The following SHROOM3 variants were observed in gnomAD, a reference collection of about 807,000 sequenced individuals.
SHROOM3 encodes protein Shroom3.
SHROOM3 carries 47 observed loss-of-function variants against 138.6 expected under a neutral mutation model. The ratio of observed to expected loss-of-function variants is 0.34; its 90% CI spans 0.27 to 0.43. The LOEUF (loss-of-function observed/expected upper bound fraction) is 0.43, where lower values mean the gene tolerates loss of function less well. SHROOM3 is among the 20% of genes least tolerant of loss of function. The probability of loss-of-function intolerance (pLI) is 1.00; values close to 1 mark genes in which losing one functional copy is unlikely to be tolerated. For synonymous variants in SHROOM3, 1,062 were observed against 1,063.3 expected (o/e 1.00, Z 0.02); for missense variants, 2,491 against 2,596.5 (o/e 0.96, Z 0.88).
Position 76,777,887 on chromosome 4 carries a change from G to A in SHROOM3, c.5623-922G>A, listed in dbSNP as rs190651670. 8.5e-4 allele frequency among the ~76,000 whole-genome samples: 130 copies of A among 152,256 alleles called. 1 individual carries two copies. The highest frequency in any genetic ancestry group is 2.8e-3 in the Admixed American group (43 of 15,288). On this transcript the variant is annotated intron_variant, in intron 10 of 10. Coordinates refer to ENST00000296043, the MANE Select transcript of SHROOM3 (RefSeq NM_020859.4). ...GAAACTCTTAGAATATGACATTGCC[G>A]TCATTGTTGAACAGAATTTCTCTCA...
At chr4:76,585,490 G>C (rs1350317313) in intron 2 of SHROOM3, among the ~76,000 whole-genome samples, 1 of 152,044 alleles carries the variant, frequency 6.6e-6, no homozygotes, top group East Asian at 1.9e-4. Context: ...TACCAAACTT[G>C]AATCAAGCAC....
At chr4:76,554,763 C>T (rs917481885) in intron 1 of SHROOM3, among the ~76,000 whole-genome samples, 4 of 152,112 alleles carry the variant, frequency 2.6e-5, no homozygotes, top group African/African-American at 9.7e-5. Context: ...AACCCCCAGG[C>T]CACGGACCAT....
Position 76,740,889 on chromosome 4 carries a change from G to T in SHROOM3, c.2716G>T (p.Asp906Tyr), listed in dbSNP as rs774510287. The change falls in exon 5 of 11, where the codon GAC (aspartate) becomes TAC (tyrosine). Residue 906 changes from aspartate to tyrosine, a missense_variant. Coordinates refer to ENST00000296043, the MANE Select transcript of SHROOM3 (RefSeq NM_020859.4). The surrounding 1 kb of genome is among the most constrained non-coding windows in gnomAD (Gnocchi z 4.0). The stretch of plus-strand genomic sequence containing the variant: ...GCCAGAGAGGGAGCCCGAGTGGCGG[G>T]ACAGGCCCGGCTCGCCCGAATCGCC... ...SEPEREPEWR[D>Y]RPGSPESPLL... The T allele has an allele frequency of 3.3e-6, 5 of 1,525,636 alleles. No individual in the cohort carries two copies. The African/African-American group carries it at 4.2e-5, about 13-fold the overall frequency. The allele number at this position is 1,525,636 out of a possible 1,614,324, so 94.5% of individuals were successfully genotyped here.
In SHROOM3 at chr4:76,725,089, T is replaced by G. The variant is rs563152627; in HGVS notation, c.456-5715T>G. Among the ~76,000 whole-genome samples the G allele has an allele frequency of 3.1e-4, 47 of 151,238 alleles. No homozygotes were observed. In the South Asian group the frequency reaches 3.1e-3, roughly 10 times the overall value. ...CATCTAAAAGAAAAGTTGTTTTTTG[T>G]TTTTTTTTCCTCGTGTTTTTGTTTT... On this transcript the variant is annotated intron_variant, in intron 3 of 10. Coordinates refer to ENST00000296043, the MANE Select transcript of SHROOM3 (RefSeq NM_020859.4).
chr4:76,673,632 C>A (rs1718948462), intron 2 of SHROOM3, among the ~76,000 whole-genome samples: 1 of 152,094 alleles, frequency 6.6e-6, no homozygotes, highest in African/African-American at 2.4e-5. Context: ...AGGCTATTTT[C>A]TTCTTTTTCA....
chr4:76,464,600 G>T (rs188669960), intron 1 of SHROOM3, among the ~76,000 whole-genome samples: 1 of 152,214 alleles, frequency 6.6e-6, no homozygotes, highest in African/African-American at 2.4e-5. Context: ...ATATTGTTTG[G>T]ATTTGTGTCC....
rs1578010818 is a variant in SHROOM3 at position 76,742,192 on chromosome 4, C to G, written c.3753+266C>G. On this transcript the variant is annotated intron_variant, in intron 5 of 10. Coordinates refer to ENST00000296043, the MANE Select transcript of SHROOM3 (RefSeq NM_020859.4). ...TACCTCCATTTTAGGAAGTCACCAC[C>G]TCTCAATGGAAAAATGCAAGGTTAA... is the stretch of plus-strand genomic sequence containing the variant. 7.5e-6 allele frequency: 4 copies of G among 533,166 alleles called. No homozygotes were observed. The East Asian group carries it at 1.3e-4, about 17-fold the overall frequency. The allele number at this position is 533,166 out of a possible 1,614,324, so 33.0% of individuals were successfully genotyped here. A position where few individuals can be genotyped will look rare whatever the true frequency, so the allele number is the denominator to read the frequency against.
At chr4:76,529,791 G>A (rs1351537729) in intron 1 of SHROOM3, among the ~76,000 whole-genome samples, 1 of 152,162 alleles carries the variant, frequency 6.6e-6, no homozygotes, top group African/African-American at 2.4e-5. Flanking sequence ...TTCCAGTCCA[G>A]CGAAGATTTT....
chr4:76,723,115 A>G (rs1307197037), intron 3 of SHROOM3, among the ~76,000 whole-genome samples: 1 of 152,104 alleles, frequency 6.6e-6, no homozygotes, highest in Admixed American at 6.6e-5. Flanking sequence ...TTTTCCAACT[A>G]ATAGTTGTCA....
At chr4:76,557,252 C>T (rs1733504404) in intron 2 of SHROOM3, among the ~76,000 whole-genome samples, 2 of 151,450 alleles carry the variant, frequency 1.3e-5, no homozygotes, top group Non-Finnish European at 2.9e-5. Flanking sequence ...CACACACACA[C>T]ACACACACAC....
chr4:76,603,955 G>A (rs1734565141), intron 2 of SHROOM3, among the ~76,000 whole-genome samples: 1 of 147,196 alleles, frequency 6.8e-6, no homozygotes, highest in Admixed American at 7.1e-5. Context: ...TGATTCTCCT[G>A]CCTCAGCCTC....
chr4:76,708,806 G>A (rs1004037923), intron 2 of SHROOM3, among the ~76,000 whole-genome samples: 35 of 152,276 alleles, frequency 2.3e-4, no homozygotes, highest in South Asian at 8.3e-4. Context: ...TCACTTTACC[G>A]TGGATGAGGA....
chr4:76,665,106 G>T (rs11723588), intron 2 of SHROOM3, among the ~76,000 whole-genome samples: 3,486 of 152,266 alleles, frequency 0.023, 54 homozygotes, highest in Non-Finnish European at 0.036. Flanking sequence ...TCTTACCAGG[G>T]TTTCCACAGC....
chr4:76,644,255 C>CTTTTTT (rs757146332), intron 2 of SHROOM3: 1 of 139,270 alleles, frequency 7.2e-6, no homozygotes, highest in Non-Finnish European at 1.6e-5. Flanking sequence ...TTTTCTTTTT[C>CTTTTTT]TTTTTTTTTT....
chr4:76,531,378 A>G (rs2110015749), intron 1 of SHROOM3, among the ~76,000 whole-genome samples: 1 of 152,300 alleles, frequency 6.6e-6, no homozygotes, highest in South Asian at 2.1e-4. Flanking sequence ...GTCTTTGTAG[A>G]CACAGCCTTG....
intron 2 of SHROOM3, among the ~76,000 whole-genome samples, chr4:76,608,589 GC>G (rs1352408738): frequency 1.5e-4 from 22 of 149,042 alleles, no homozygotes; most frequent in African/African-American, 5.3e-4. Context: ...GCATAGCATA[GC>G]ATAGCATAGC....
chr4:76,481,324 A>T (rs923832002), intron 1 of SHROOM3, among the ~76,000 whole-genome samples: 2 of 152,204 alleles, frequency 1.3e-5, no homozygotes, highest in African/African-American at 4.8e-5. Context: ...AGAAATGCAA[A>T]CTACCATCAG....
chr4:76,738,039 T>G (rs995790017), intron 4 of SHROOM3, among the ~76,000 whole-genome samples: 3 of 152,128 alleles, frequency 2.0e-5, no homozygotes, highest in African/African-American at 7.2e-5. Context: ...TGCTTTGGCT[T>G]TTGGAAGTCA....
chr4:76,625,298 T>G (rs1005536582), intron 2 of SHROOM3, among the ~76,000 whole-genome samples: 15 of 152,210 alleles, frequency 9.9e-5, no homozygotes, highest in Non-Finnish European at 2.1e-4. Flanking sequence ...TTCAAATTTT[T>G]TACCTAACCC....
Sources: gnomAD v4.1 joint callset for allele counts (sites outside exome capture counted in the v4.1 genomes callset) on GRCh38, gnomAD v4.1.1 for gene constraint, Gnocchi (gnomAD v3.1) non-coding constraint, MANE v1.5 for transcripts, NCBI Gene and HGNC (gene_info 2026-07-23, HGNC 2026-07-21) for gene names.